The following IL1RAPL2 variants were observed in gnomAD, a reference collection of about 807,000 sequenced individuals.
IL1RAPL2 encodes X-linked interleukin-1 receptor accessory protein-like 2.
IL1RAPL2 carries 3 observed loss-of-function variants against 44.1 expected under a neutral mutation model. The ratio of observed to expected loss-of-function variants is 0.07; its 90% CI spans 0.03 to 0.18. The LOEUF (loss-of-function observed/expected upper bound fraction) is 0.18, where lower values mean the gene tolerates loss of function less well. Ranked by LOEUF, IL1RAPL2 falls within the 10% of genes least tolerant of loss-of-function variation. The pLI is 1.00. For missense variants in IL1RAPL2, 391 were observed against 496.4 expected (o/e 0.79, Z 2.02); for synonymous variants, 181 against 178.8 (o/e 1.01, Z -0.10).
chrX:105,739,174 T>G (rs975053516), intron 7 of IL1RAPL2, among the ~76,000 whole-genome samples: 15 of 111,051 alleles, frequency 1.4e-4, no homozygotes, highest in Non-Finnish European at 2.8e-4. Context: ...TCCTACAGAT[T>G]TTTTCCCTTA....
chrX:104,584,748 T>A (rs1368896623), intron 1 of IL1RAPL2, among the ~76,000 whole-genome samples: 1 of 110,861 alleles, frequency 9.0e-6, no homozygotes, highest in Non-Finnish European at 1.9e-5. Context: ...CCAGGTCTTT[T>A]TAGAAAACAG....
At chrX:104,766,882 C>A (rs930193006) in intron 2 of IL1RAPL2, among the ~76,000 whole-genome samples, 3 of 112,255 alleles carry the variant, frequency 2.7e-5, no homozygotes, top group Non-Finnish European at 5.6e-5. Flanking sequence ...AATCAACAGT[C>A]TCTCAGATGG....
chrX:105,121,917 T>G (rs1003449257), intron 2 of IL1RAPL2, among the ~76,000 whole-genome samples: 2 of 111,312 alleles, frequency 1.8e-5, no homozygotes, highest in African/African-American at 6.5e-5. Flanking sequence ...TTCTTGCCAT[T>G]ATCTTAATGT....
chrX:104,722,798 C>T (rs1185179470), intron 2 of IL1RAPL2, among the ~76,000 whole-genome samples: 1 of 111,516 alleles, frequency 9.0e-6, no homozygotes, highest in Admixed American at 9.6e-5. Flanking sequence ...CCTAAGTGGA[C>T]ATACACAGGA....
intron 2 of IL1RAPL2, among the ~76,000 whole-genome samples, chrX:105,112,511 G>A (rs1470778385): frequency 3.6e-5 from 4 of 112,445 alleles, no homozygotes; most frequent in Non-Finnish European, 7.5e-5. Context: ...CTTATGCTAT[G>A]CACGAATGAC....
chrX:105,111,390 C>T (rs2032800462), intron 2 of IL1RAPL2, among the ~76,000 whole-genome samples: 2 of 111,100 alleles, frequency 1.8e-5, no homozygotes, highest in Admixed American at 9.6e-5. Context: ...ACAACTTTTC[C>T]CCAAGTAAAT....
chrX:105,370,009 T>A (rs1213688760), intron 5 of IL1RAPL2, among the ~76,000 whole-genome samples: 1 of 112,026 alleles, frequency 8.9e-6, no homozygotes, highest in African/African-American at 3.2e-5. Flanking sequence ...TCTGTTTAGC[T>A]TCACTTTAAT....
intron 2 of IL1RAPL2, among the ~76,000 whole-genome samples, chrX:104,750,069 T>A (rs1022063623): frequency 8.9e-6 from 1 of 111,911 alleles, no homozygotes; most frequent in Non-Finnish European, 1.9e-5. Context: ...TTTATACTTT[T>A]CTGAGGCTTG....
intron 1 of IL1RAPL2, among the ~76,000 whole-genome samples, chrX:104,580,824 A>C (rs979785873): frequency 8.9e-6 from 1 of 111,828 alleles, no homozygotes; most frequent in Non-Finnish European, 1.9e-5. Flanking sequence ...TATAAAGGGA[A>C]TGCCTCATGT....
chrX:105,220,450 A>G (rs1556180295), intron 3 of IL1RAPL2: 2 of 1,060,089 alleles, frequency 1.9e-6, no homozygotes, highest in Admixed American at 2.9e-5. Context: ...GGAGCAGCCA[A>G]TAGGTTCCTT....
At chrX:105,311,649 T>C (rs1391792078) in intron 5 of IL1RAPL2, among the ~76,000 whole-genome samples, 6 of 108,914 alleles carry the variant, frequency 5.5e-5, no homozygotes, top group African/African-American at 2.0e-4. Context: ...CACATATATA[T>C]ATATATATAC....
chrX:105,367,682 T>C (rs113570374), intron 5 of IL1RAPL2, among the ~76,000 whole-genome samples: 6,886 of 111,717 alleles, frequency 0.062, 501 homozygotes, highest in African/African-American at 0.21. Flanking sequence ...TTTGTATCTT[T>C]TATAGTTTAT....
chrX:104,751,541 A>G (rs1435446997), intron 2 of IL1RAPL2, among the ~76,000 whole-genome samples: 1 of 110,920 alleles, frequency 9.0e-6, no homozygotes, highest in Non-Finnish European at 1.9e-5. Context: ...TCATTATTGA[A>G]CCAGTTGTTT....
intron 5 of IL1RAPL2, among the ~76,000 whole-genome samples, chrX:105,390,608 A>T (rs1258339985): frequency 9.0e-6 from 1 of 110,539 alleles, no homozygotes; most frequent in African/African-American, 3.3e-5. Context: ...TTTTAGGCAA[A>T]GCATAGAGAT....
chrX:105,051,016 C>T (rs766421395), intron 2 of IL1RAPL2, among the ~76,000 whole-genome samples: 24 of 112,327 alleles, frequency 2.1e-4, no homozygotes, highest in Non-Finnish European at 4.1e-4. Flanking sequence ...CTGATTGGTC[C>T]GAGGGAAGCC....
chrX:104,946,313 C>A (rs1925350192), intron 2 of IL1RAPL2, among the ~76,000 whole-genome samples: 1 of 81,876 alleles, frequency 1.2e-5, no homozygotes, highest in South Asian at 7.3e-4. Context: ...GCGGAGCTTG[C>A]AGTGAGCCGA....
At chrX:105,147,821 T>A (rs1210600703) in intron 2 of IL1RAPL2, among the ~76,000 whole-genome samples, 2 of 111,830 alleles carry the variant, frequency 1.8e-5, no homozygotes, top group East Asian at 5.6e-4. Flanking sequence ...CAAGTTTTTA[T>A]ATAGACATAT....
intron 5 of IL1RAPL2, among the ~76,000 whole-genome samples, chrX:105,459,923 G>T (rs1245809990): frequency 9.0e-6 from 1 of 111,149 alleles, no homozygotes; most frequent in Non-Finnish European, 1.9e-5. Context: ...ATTGGTACTA[G>T]CCTAAATATG....
At chrX:105,155,902 C>T (rs1260393025) in intron 2 of IL1RAPL2, among the ~76,000 whole-genome samples, 1 of 111,315 alleles carries the variant, frequency 9.0e-6, no homozygotes, top group African/African-American at 3.3e-5. Flanking sequence ...TCAGTGCTTC[C>T]TCCTCTAAGA....
Sources: gnomAD v4.1 joint callset for allele counts (sites outside exome capture counted in the v4.1 genomes callset) on GRCh38, gnomAD v4.1.1 for gene constraint, MANE v1.5 for transcripts, NCBI Gene and HGNC (gene_info 2026-07-23, HGNC 2026-07-21) for gene names.